TRHDE: variants seen among roughly 807,000 people sequenced by gnomAD.
The protein encoded by TRHDE is thyrotropin-releasing hormone-degrading ectoenzyme.
TRHDE carries 72 observed loss-of-function variants against 125.7 expected under a neutral mutation model. That is an observed-to-expected ratio of 0.57 (90% CI 0.47 to 0.70). The LOEUF is 0.70. TRHDE is among the 30% of genes least tolerant of loss of function. The pLI is 0.00. For synonymous variants in TRHDE, 509 were observed against 509.1 expected (o/e 1.00, Z 0.00); for missense variants, 1,110 against 1,327.1 (o/e 0.84, Z 2.54).
At chr12:72,266,251 T>C (rs1879066773) in intron 2 of TRHDE, among the ~76,000 whole-genome samples, 1 of 152,062 alleles carries the variant, frequency 6.6e-6, no homozygotes, top group Middle Eastern at 3.2e-3. Context: ...ATTTATCTAT[T>C]GCGCCTTTGA....
At chr12:72,376,712 A>G (rs978650956) in intron 2 of TRHDE, among the ~76,000 whole-genome samples, 2 of 152,168 alleles carry the variant, frequency 1.3e-5, no homozygotes, top group Non-Finnish European at 2.9e-5. Context: ...AGGCAGAGAT[A>G]ATAAAGAGTT....
At chr12:72,144,875 G>A (rs938213424) in intron 2 of TRHDE, among the ~76,000 whole-genome samples, 5 of 152,176 alleles carry the variant, frequency 3.3e-5, no homozygotes, top group African/African-American at 1.2e-4. Context: ...TATCTTATGG[G>A]AGGGCCAAGG....
chr12:72,582,142 G>C (rs890112217), intron 12 of TRHDE: 33 of 349,990 alleles, frequency 9.4e-5, no homozygotes, highest in Non-Finnish European at 1.3e-4. Context: ...GTAGGCACTA[G>C]AGAGCAGTCA....
At chr12:72,089,281 C>A (rs938016756) in intron 1 of TRHDE, among the ~76,000 whole-genome samples, 2 of 152,174 alleles carry the variant, frequency 1.3e-5, no homozygotes, top group African/African-American at 4.8e-5. Context: ...TTCTTCTCAG[C>A]AAGCTTGAGC....
intron 2 of TRHDE, among the ~76,000 whole-genome samples, chr12:72,214,858 A>G (rs143163138): frequency 2.7e-4 from 41 of 152,276 alleles, no homozygotes; most frequent in Non-Finnish European, 5.1e-4. Context: ...TTTTGTTTAT[A>G]TATATATTCT....
chr12:72,575,631 T>A, intron 12 of TRHDE, 89 bp downstream of exon 12: 1 of 1,215,854 alleles, frequency 8.2e-7, no homozygotes, highest in Non-Finnish European at 1.2e-6. Flanking sequence ...GTCTTTTATT[T>A]AGGACATTTA....
chr12:72,303,694 C>T (rs916634873), intron 2 of TRHDE, among the ~76,000 whole-genome samples: 1 of 152,132 alleles, frequency 6.6e-6, no homozygotes, highest in Non-Finnish European at 1.5e-5. Flanking sequence ...TCTGCTTCTT[C>T]CCTTTAAGGG....
intron 2 of TRHDE, among the ~76,000 whole-genome samples, chr12:72,217,443 T>G (rs1347496193): frequency 1.3e-5 from 2 of 152,316 alleles, no homozygotes; most frequent in Admixed American, 6.5e-5. Context: ...GATCATTTAC[T>G]ATATTTGGAA....
At chr12:72,597,759 G>GCACA (rs1872036679) in intron 12 of TRHDE, among the ~76,000 whole-genome samples, 6 of 21,406 alleles carry the variant, frequency 2.8e-4, no homozygotes, top group African/African-American at 1.2e-3. Context: ...ATATATATAT[G>GCACA]CATACACACA....
intron 15 of TRHDE, among the ~76,000 whole-genome samples, chr12:72,635,795 C>G (rs2136091944): frequency 6.6e-6 from 1 of 152,206 alleles, no homozygotes; most frequent in African/African-American, 2.4e-5. Context: ...TCAGGTTTGT[C>G]AAAGACCAGA....
chr12:72,404,220 C>T (rs1391296997), intron 3 of TRHDE, among the ~76,000 whole-genome samples: 3 of 152,054 alleles, frequency 2.0e-5, no homozygotes, highest in Non-Finnish European at 4.4e-5. Flanking sequence ...TCAAGACCAA[C>T]CTGGGCAACA....
chr12:72,098,265 A>C (rs2367898), intron 1 of TRHDE, among the ~76,000 whole-genome samples: 108,570 of 151,996 alleles, frequency 0.71, 40,068 homozygotes, highest in Non-Finnish European at 0.81. Flanking sequence ...GCAGACTTAC[A>C]TGAAGTTATA....
At chr12:72,592,233 C>G (rs1871717148) in intron 12 of TRHDE, among the ~76,000 whole-genome samples, 1 of 152,136 alleles carries the variant, frequency 6.6e-6, no homozygotes, top group Non-Finnish European at 1.5e-5. Context: ...CCCCCATGTT[C>G]AACCAGCTGT....
chr12:72,190,506 G>A (rs1238613218), intron 2 of TRHDE, among the ~76,000 whole-genome samples: 1 of 152,218 alleles, frequency 6.6e-6, no homozygotes, highest in African/African-American at 2.4e-5. Context: ...CCAATTCATG[G>A]AAAGAAGCTA....
In TRHDE at chr12:72,474,126, C is replaced by A. The variant is rs186546451; in HGVS notation, c.1584+946C>A. On this transcript the variant is annotated intron_variant, in intron 5 of 18. Transcript: ENST00000261180. ...ACTTTATTGAGGCAAGATTGACATA[C>A]AAAATGCTGTACATATTTAATGTAT... is the stretch of plus-strand genomic sequence containing the variant. 1.6e-3 allele frequency among the ~76,000 whole-genome samples: 238 copies of A among 152,002 alleles called. 2 individuals are homozygous for A. Among genetic ancestry groups the A allele is most frequent in the African/African-American group, 4.8e-3 (201 of 41,498 alleles).
chr12:72,542,819 A>G (rs1869220572), intron 7 of TRHDE, among the ~76,000 whole-genome samples: 4 of 151,154 alleles, frequency 2.6e-5, no homozygotes, highest in Non-Finnish European at 3.0e-5. Flanking sequence ...AAGGTTTTTA[A>G]TTGTTTTTAT....
chr12:72,472,322 A>G (rs1308558464), intron 4 of TRHDE, among the ~76,000 whole-genome samples: 1 of 152,162 alleles, frequency 6.6e-6, no homozygotes, highest in Admixed American at 6.6e-5. Flanking sequence ...TTTAATAAGA[A>G]AAGAATTCCT....
intron 2 of TRHDE, among the ~76,000 whole-genome samples, chr12:72,289,847 G>A (rs1240619185): frequency 6.6e-6 from 1 of 152,158 alleles, no homozygotes; most frequent in Non-Finnish European, 1.5e-5. Context: ...CTTACATGAG[G>A]CATTTGCTTC....
At chr12:72,452,525 G>T (rs1875630016) in intron 3 of TRHDE, among the ~76,000 whole-genome samples, 1 of 152,152 alleles carries the variant, frequency 6.6e-6, no homozygotes, top group Admixed American at 6.6e-5. Context: ...CTGGATTTCA[G>T]AGGAAAGGCT....
Sources: allele counts gnomAD v4.1 joint callset (sites outside exome capture counted in the v4.1 genomes callset), GRCh38; gene constraint gnomAD v4.1.1; transcripts MANE v1.5; gene names NCBI Gene and HGNC (gene_info 2026-07-23, HGNC 2026-07-21).